The following ATP9A variants were observed in gnomAD, a reference collection of about 807,000 sequenced individuals.
The protein encoded by ATP9A is probable phospholipid-transporting ATPase IIA.
Under a neutral mutation model 144.1 loss-of-function variants are expected in ATP9A, and 52 were observed. The observed-to-expected ratio is 0.36, with a 90% confidence interval of 0.29 to 0.45. ATP9A has a LOEUF of 0.45. Among genes scored for constraint, ATP9A ranks in the 20% least tolerant of loss-of-function variants. The probability of loss-of-function intolerance (pLI) is 1.00; values close to 1 mark genes in which losing one functional copy is unlikely to be tolerated. For synonymous variants in ATP9A, 582 were observed against 557.4 expected (o/e 1.04, Z -0.62); for missense variants, 947 against 1,392.7 (o/e 0.68, Z 5.09).
At chr20:51,647,683 T>C (rs1047964446) in intron 14 of ATP9A, among the ~76,000 whole-genome samples, 7 of 152,052 alleles carry the variant, frequency 4.6e-5, no homozygotes, top group Admixed American at 2.6e-4. Flanking sequence ...TGAGCCAAGA[T>C]TGCACCTTTG....
intron 1 of ATP9A, among the ~76,000 whole-genome samples, chr20:51,762,559 C>T (rs979831786): frequency 2.6e-5 from 4 of 151,560 alleles, no homozygotes; most frequent in Non-Finnish European, 4.4e-5. Flanking sequence ...CGCAGGAGGC[C>T]GATGCATGAG....
At chr20:51,748,896 G>A (rs187515477) in intron 1 of ATP9A, among the ~76,000 whole-genome samples, 22 of 139,706 alleles carry the variant, frequency 1.6e-4, no homozygotes, top group Admixed American at 4.4e-4. Flanking sequence ...GGGTGACAGC[G>A]CCTCTAAAGA....
chr20:51,625,377 C>T lies in ATP9A; in HGVS notation c.1846-15G>A. The stretch of plus-strand genomic sequence containing the variant: ...ACGTAGCGGGCCTGGGACACACCAG[C>T]AGATGCAGTCACTGCTTAGGGTGAG... On this transcript the variant is annotated splice_polypyrimidine_tract_variant and intron_variant, in intron 17 of 27. Coordinates refer to ENST00000338821, the MANE Select transcript of ATP9A (RefSeq NM_006045.3). The T allele has an allele frequency of 6.2e-7, 1 of 1,607,768 alleles. No individual in the cohort carries two copies. The highest frequency in any genetic ancestry group is 8.5e-7 in the Non-Finnish European group (1 of 1,176,116).
intron 7 of ATP9A, 64 bp from the exon 8 acceptor site, chr20:51,690,883 T>C (rs2077545802): frequency 3.1e-6 from 4 of 1,293,648 alleles, no homozygotes; most frequent in Admixed American, 1.7e-5. Flanking sequence ...TCAGGAGGCA[T>C]CCACTATGTT....
At chr20:51,605,963 A>AT (rs1350964941) in intron 26 of ATP9A, among the ~76,000 whole-genome samples, 1 of 151,108 alleles carries the variant, frequency 6.6e-6, no homozygotes, top group Non-Finnish European at 1.5e-5. Flanking sequence ...CAGTAAATTT[A>AT]TTTTTTAAAA....
intron 3 of ATP9A, among the ~76,000 whole-genome samples, chr20:51,719,355 T>A (rs2077678039): frequency 6.6e-6 from 1 of 152,134 alleles, no homozygotes; most frequent in South Asian, 2.1e-4. Flanking sequence ...ATTAATGAGT[T>A]GTTGATGTTT....
At chr20:51,657,289 T>C (rs2077391236) in intron 13 of ATP9A, 139 bp from the exon 14 acceptor site, 8 of 611,184 alleles carry the variant, frequency 1.3e-5, no homozygotes, top group Admixed American at 3.3e-5. Context: ...ACAATGATGC[T>C]GCAAATAAAT....
intron 3 of ATP9A, among the ~76,000 whole-genome samples, chr20:51,715,022 T>G (rs1442572366): frequency 6.6e-6 from 1 of 152,202 alleles, no homozygotes; most frequent in Admixed American, 6.5e-5. Context: ...TCATTCGTTT[T>G]CCTTGTCATT....
chr20:51,748,247 C>T (rs1410855430), intron 1 of ATP9A, among the ~76,000 whole-genome samples: 1 of 151,922 alleles, frequency 6.6e-6, no homozygotes, highest in African/African-American at 2.4e-5. Context: ...AAGTGTGAGA[C>T]CGGCTTGGGT....
At chr20:51,638,040 C>T (rs1250709539) in intron 15 of ATP9A, among the ~76,000 whole-genome samples, 2 of 126,760 alleles carry the variant, frequency 1.6e-5, no homozygotes, top group African/African-American at 6.0e-5. Flanking sequence ...TTAATTCATT[C>T]CTTTCCATGG....
intron 19 of ATP9A, 91 bp from the exon 20 acceptor site, chr20:51,619,134 A>G: frequency 8.9e-7 from 1 of 1,121,476 alleles, no homozygotes; most frequent in South Asian, 1.4e-5. Flanking sequence ...CATGAAGACA[A>G]CGGCCACCCC....
Position 51,687,133 on chromosome 20 carries a change from G to C in ATP9A, c.799+1931C>G, listed in dbSNP as rs577253270. On this transcript the variant is annotated intron_variant, in intron 9 of 27. Transcript: ENST00000338821. ...AAGAAAAAATTGGTTCAGGTGACAT[G>C]GGTGGAAAGTGGCAAGGAGGGGCAG... Among the ~76,000 whole-genome samples the C allele has an allele frequency of 1.1e-4, 17 of 152,236 alleles. No individual in the cohort carries two copies. The East Asian group carries it at 3.3e-3, about 29-fold the overall frequency.
chr20:51,713,006 C>T lies in ATP9A; in HGVS notation c.396G>A (p.Lys132=), dbSNP rs752372498. ...VEEIRCYVRD[K]EVNSQVYSRL... Reference sequence around the variant, plus strand: ...GGCTGTAGACCTGGGAGTTGACTTCCTTGTCCCGCACGTAGCATCGGATCT... The same window carrying T: ...GGCTGTAGACCTGGGAGTTGACTTCTTTGTCCCGCACGTAGCATCGGATCT... The change falls in exon 4 of 28, where the codon AAG becomes AAA. Residue 132 remains lysine, a synonymous_variant. Transcript: ENST00000338821. The T allele has an allele frequency of 1.9e-5, 30 of 1,613,004 alleles. No homozygotes were observed. The highest frequency in any genetic ancestry group is 3.3e-5 in the Admixed American group (2 of 59,910).
At chr20:51,725,231 T>C (rs1293347987) in intron 3 of ATP9A, among the ~76,000 whole-genome samples, 1 of 152,182 alleles carries the variant, frequency 6.6e-6, no homozygotes, top group Non-Finnish European at 1.5e-5. Context: ...CAAGCGATTC[T>C]CCTGCCTCAG....
At chr20:51,672,691 CAG>C (rs1167330880) in intron 11 of ATP9A, among the ~76,000 whole-genome samples, 1 of 151,946 alleles carries the variant, frequency 6.6e-6, no homozygotes, top group Non-Finnish European at 1.5e-5. Context: ...AAGTATAAGA[CAG>C]AGTATAAGCA....
chr20:51,627,627 A>G lies in ATP9A; in HGVS notation c.1818T>C (p.Leu606=), dbSNP rs748707428. The G allele has an allele frequency of 1.2e-6, 2 of 1,614,212 alleles. No individual in the cohort carries two copies. Among genetic ancestry groups the G allele is most frequent in the Non-Finnish European group, 8.5e-7 (1 of 1,180,022 alleles). Residue 606 remains leucine (L), a synonymous_variant, in exon 17 of 28, where the codon CTT becomes CTC. Coordinates refer to ENST00000338821, the MANE Select transcript of ATP9A (RefSeq NM_006045.3). ...CAAAGTCCTGATACTGCTCCTCTGC[A>G]AGAGACTTCTTTGCCACCACGAGCA... ...LRVLVVAKKS[L]AEEQYQDFEA... is the part of the protein sequence containing the mutation.
At chr20:51,721,155 A>T (rs1286847698) in intron 3 of ATP9A, among the ~76,000 whole-genome samples, 1 of 152,216 alleles carries the variant, frequency 6.6e-6, no homozygotes, top group African/African-American at 2.4e-5. Flanking sequence ...CGTACGGCGT[A>T]TGCACGCCCA....
chr20:51,676,091 A>G, intron 10 of ATP9A, 41 bp downstream of exon 10: 1 of 1,521,960 alleles, frequency 6.6e-7, no homozygotes, highest in Non-Finnish European at 9.1e-7. Context: ...AGAACCAACC[A>G]GCCCACAGCC....
intron 1 of ATP9A, among the ~76,000 whole-genome samples, chr20:51,747,843 C>A (rs1452343877): frequency 6.6e-6 from 1 of 152,220 alleles, no homozygotes; most frequent in Non-Finnish European, 1.5e-5. Flanking sequence ...ACCTTTTCAT[C>A]TCTGCTGTCC....
Sources: gnomAD v4.1 joint callset for allele counts (sites outside exome capture counted in the v4.1 genomes callset) on GRCh38, gnomAD v4.1.1 for gene constraint, MANE v1.5 for transcripts, NCBI Gene and HGNC (gene_info 2026-07-23, HGNC 2026-07-21) for gene names.